The following CCDC171 variants were observed in gnomAD, a reference collection of about 807,000 sequenced individuals.
CCDC171 encodes coiled-coil domain containing 171.
A neutral mutation model predicts 168.2 loss-of-function variants in CCDC171; 177 were observed. The observed-to-expected ratio is 1.05, with a 90% CI of 0.93 to 1.19. CCDC171 has a LOEUF of 1.19. CCDC171 is among the 50% of genes most tolerant of loss of function. The probability of loss-of-function intolerance (pLI) is 0.00; values close to 1 mark genes in which losing one functional copy is unlikely to be tolerated. For synonymous variants in CCDC171, 687 were observed against 540.8 expected (o/e 1.27, Z -3.75); for missense variants, 1,991 against 1,539.0 (o/e 1.29, Z -4.91).
At chr9:16,107,603 A>G in the CCDC171 span, among the ~76,000 whole-genome samples, 2,551 of 152,200 alleles carry the variant, frequency 0.017, 84 homozygotes, top group African/African-American at 0.059. Flanking sequence ...GTACGTACAC[A>G]TATATACATA....
At chr9:15,590,774 T>TTTCC (rs1491232311) in intron 4 of CCDC171, among the ~76,000 whole-genome samples, 1 of 76,422 alleles carries the variant, frequency 1.3e-5, no homozygotes, top group African/African-American at 5.3e-5. Flanking sequence ...TTTCTTTCTC[T>TTTCC]TTCTTTCTTT....
At chr9:16,065,196 AC>A (rs1355120159), downstream of CCDC171, among the ~76,000 whole-genome samples, 1 of 152,026 alleles carries the variant, frequency 6.6e-6, no homozygotes, top group Non-Finnish European at 1.5e-5. Flanking sequence ...TTTTAGTCTG[AC>A]CCTATTGTGT....
chr9:15,709,064 AG>A (rs1251590895), intron 11 of CCDC171, among the ~76,000 whole-genome samples: 7 of 152,194 alleles, frequency 4.6e-5, no homozygotes, highest in Non-Finnish European at 1.0e-4. Flanking sequence ...TTTAGAACAG[AG>A]TGGTGAAATG....
chr9:15,667,450 A>T (rs1393276136), intron 9 of CCDC171, among the ~76,000 whole-genome samples: 1 of 152,142 alleles, frequency 6.6e-6, no homozygotes, highest in Admixed American at 6.5e-5. Flanking sequence ...GTTCGAGACC[A>T]GCCTGGCTAA....
Position 15,705,090 on chromosome 9 carries a change from C to CCACACACACACACA in CCDC171, c.1318+9753_1318+9754insCACACACACACACA, listed in dbSNP as rs1564250351. The stretch of plus-strand genomic sequence containing the variant: ...TGCTAATAGATCTTAAGTATCCTTA[C>CCACACACACACACA]GACACACACACACACACACACACAC... On this transcript the variant is annotated intron_variant, in intron 11 of 25. Coordinates refer to ENST00000380701, the MANE Select transcript of CCDC171 (RefSeq NM_173550.4). 2.5e-4 allele frequency among the ~76,000 whole-genome samples: 8 copies of CCACACACACACACA among 32,244 alleles called. No individual in the cohort carries two copies. The East Asian group carries it at 0.017, about 67-fold the overall frequency. The allele number at this position is 32,244 out of a possible 152,430, so 21.2% of individuals were successfully genotyped here.
chr9:15,926,870 T>G (rs1825951646), intron 25 of CCDC171, among the ~76,000 whole-genome samples: 2 of 151,674 alleles, frequency 1.3e-5, no homozygotes, highest in African/African-American at 4.8e-5. Flanking sequence ...TCTTTTTATT[T>G]GTAGGCAAAA....
intron 8 of CCDC171, among the ~76,000 whole-genome samples, chr9:15,664,289 C>T (rs770109596): frequency 1.3e-5 from 2 of 152,162 alleles, no homozygotes; most frequent in Non-Finnish European, 2.9e-5. Flanking sequence ...TGCTCTGTAA[C>T]CCAGGCTGGG....
At position 15,983,511 on chromosome 9, in the gene CCDC171, T is replaced by TGAGA. The variant is rs139449191; in HGVS notation, n.369-37069_369-37066dup. Among the ~76,000 whole-genome samples the TGAGA allele has an allele frequency of 1.7e-3, 232 of 137,372 alleles. 2 individuals are homozygous for TGAGA. The highest frequency in any genetic ancestry group is 2.2e-3 in the Non-Finnish European group (138 of 62,446). 90.1% of individuals were successfully genotyped at this position (137,372 alleles called of 152,430 possible). ...GTGTGTGTGTGTGTGTGTGTGTGTG[T>TGAGA]GAGAGAGAGAGAATCTCTGAAGCAT... On this transcript the variant is annotated intron_variant and non_coding_transcript_variant, in intron 3 of 9. Transcript: ENST00000486641.
At chr9:15,857,581 A>C (rs1020630099) in intron 23 of CCDC171, among the ~76,000 whole-genome samples, 6 of 151,666 alleles carry the variant, frequency 4.0e-5, no homozygotes, top group African/African-American at 1.5e-4. Flanking sequence ...CACCACCATG[A>C]CCGGCTAATT....
At chr9:15,681,047 A>T (rs1031426795) in intron 10 of CCDC171, among the ~76,000 whole-genome samples, 1 of 152,122 alleles carries the variant, frequency 6.6e-6, no homozygotes, top group African/African-American at 2.4e-5. Flanking sequence ...CTTGGTACCA[A>T]CAGATTTTTT....
intron 2 of CCDC171, among the ~76,000 whole-genome samples, chr9:15,566,195 GTT>G (rs77870058): frequency 2.1e-5 from 3 of 145,066 alleles, no homozygotes; most frequent in Non-Finnish European, 4.6e-5. Context: ...TTTAAATTGT[GTT>G]TTTTTTTTTT....
chr9:15,599,531 T>G (rs1035307425), intron 6 of CCDC171, among the ~76,000 whole-genome samples: 1 of 152,220 alleles, frequency 6.6e-6, no homozygotes, highest in Non-Finnish European at 1.5e-5. Context: ...GTTAGTCTGA[T>G]GGGCTTCCAT....
At chr9:16,060,616 CA>C (rs1833920064) in intron 1 of CCDC171, 1 of 152,184 alleles carries the variant, frequency 6.6e-6, no homozygotes, top group Admixed American at 6.5e-5. Flanking sequence ...GCTTTTTAAC[CA>C]CCTTCTTGCT....
chr9:16,038,848 G>A (rs539679388), upstream of CCDC171, among the ~76,000 whole-genome samples: 5 of 23,734 alleles, frequency 2.1e-4, no homozygotes, highest in African/African-American at 3.1e-4. Flanking sequence ...AAAAAAAATA[G>A]AAAAAGACCT....
intron 3 of CCDC171, among the ~76,000 whole-genome samples, chr9:15,989,304 C>T (rs1051960233): frequency 1.3e-5 from 2 of 152,182 alleles, no homozygotes; most frequent in African/African-American, 2.4e-5. Flanking sequence ...GCTGCTGATA[C>T]CCAGGCAAAC....
chr9:15,649,297 A>G (rs1325321964), intron 7 of CCDC171, among the ~76,000 whole-genome samples: 1 of 152,242 alleles, frequency 6.6e-6, no homozygotes, highest in Non-Finnish European at 1.5e-5. Flanking sequence ...TAAAAACCCT[A>G]GAAGAAAAGC....
chr9:15,957,274 C>T (rs1829894312), intron 25 of CCDC171, among the ~76,000 whole-genome samples: 1 of 152,104 alleles, frequency 6.6e-6, no homozygotes, highest in Non-Finnish European at 1.5e-5. Flanking sequence ...TTGGGTGAAG[C>T]TGTGGAGCAT....
intron 23 of CCDC171, among the ~76,000 whole-genome samples, chr9:15,860,801 C>G (rs1311434933): frequency 1.3e-5 from 2 of 151,812 alleles, no homozygotes; most frequent in Admixed American, 1.3e-4. Flanking sequence ...TTTGCTATTT[C>G]TTTTTCTGAC....
At chr9:16,101,730 G>A in the CCDC171 span, among the ~76,000 whole-genome samples, 2,704 of 152,312 alleles carry the variant, frequency 0.018, 64 homozygotes, top group African/African-American at 0.06. Context: ...AGGCCACAGG[G>A]CAGGGAAGAG....
Sources: gnomAD v4.1 joint callset for allele counts (sites outside exome capture counted in the v4.1 genomes callset) on GRCh38, gnomAD v4.1.1 for gene constraint, MANE v1.5 for transcripts, NCBI Gene and HGNC (gene_info 2026-07-23, HGNC 2026-07-21) for gene names.